Variants in TG observed in about 807,000 individuals in gnomAD.
TG encodes thyroid hormones.
In TG, 270 loss-of-function variants were observed where a neutral mutation model predicts 324.7. That is an observed-to-expected ratio of 0.83 (90% CI 0.75 to 0.92). The LOEUF is 0.92. TG is among the 40% of genes least tolerant of loss of function. TG has a pLI of 0.00. For missense variants in TG, 3,591 were observed against 3,456.4 expected (o/e 1.04, Z -0.98); for synonymous variants, 1,401 against 1,327.0 (o/e 1.06, Z -1.21).
At chr8:132,981,014 T>C (rs947480132) in intron 34 of TG, among the ~76,000 whole-genome samples, 2 of 152,204 alleles carry the variant, frequency 1.3e-5, no homozygotes, top group Non-Finnish European at 2.9e-5. Context: ...GTTCATAGGA[T>C]GTGAATGATG....
intron 20 of TG, among the ~76,000 whole-genome samples, chr8:132,917,690 C>T (rs566850698): frequency 2.0e-5 from 3 of 151,954 alleles, no homozygotes; most frequent in South Asian, 2.1e-4. Flanking sequence ...AGCCACCTTC[C>T]GAAGGGGTGA....
intron 43 of TG, 112 bp from the exon 44 acceptor site, chr8:133,113,310 G>A: frequency 8.1e-7 from 1 of 1,230,310 alleles, no homozygotes; most frequent in Non-Finnish European, 1.2e-6. Flanking sequence ...TGTGTTTAAT[G>A]CCATGCCCCA....
intron 43 of TG, chr8:133,102,652 G>C: frequency 7.8e-7 from 1 of 1,276,304 alleles, no homozygotes. Context: ...ATCAGTCGCT[G>C]TCATGGGGAA....
Position 132,913,027 on chromosome 8 carries a change from C to T in TG, c.4160-20C>T, listed in dbSNP as rs1173793364. 3.1e-6 allele frequency: 5 copies of T among 1,613,204 alleles called. No individual in the cohort carries two copies. The highest frequency in any genetic ancestry group is 3.4e-6 in the Non-Finnish European group (4 of 1,179,408). On this transcript the variant is annotated intron_variant, in intron 19 of 47. Coordinates refer to ENST00000220616, the MANE Select transcript of TG (RefSeq NM_003235.5). ...CAGAGTACAGTGGGGGTGACCTCTA[C>T]CTTATCCTGTGTCTTACAGAGAGAG...
rs376535901 is a variant in TG at position 132,995,234 on chromosome 8, A to G, written c.6262+11822A>G. 4.7e-5 allele frequency: 45 copies of G among 958,248 alleles called. No homozygotes were observed. The African/African-American group carries it at 7.1e-4, about 15-fold the overall frequency. 59.4% of individuals were successfully genotyped at this position (958,248 alleles called of 1,614,324 possible). A position where few individuals can be genotyped will look rare whatever the true frequency, so the allele number is the denominator to read the frequency against. On this transcript the variant is annotated intron_variant, in intron 35 of 47. Coordinates refer to ENST00000220616, the MANE Select transcript of TG (RefSeq NM_003235.5). ...TAAGGTAGAATTCACCATGTTACCT[A>G]TTACCTACAAGTTGAGATTTGGGTA...
chr8:132,922,585 C>T (rs1476288746), intron 21 of TG, among the ~76,000 whole-genome samples: 1 of 152,164 alleles, frequency 6.6e-6, no homozygotes, highest in Non-Finnish European at 1.5e-5. Flanking sequence ...CCAGAGATGT[C>T]TTAGTCCATT....
chr8:132,993,248 A>G (rs1271979171), intron 35 of TG, among the ~76,000 whole-genome samples: 4 of 152,260 alleles, frequency 2.6e-5, no homozygotes, highest in African/African-American at 9.6e-5. Context: ...TGTTGAAGAA[A>G]TGAATGAATA....
intron 40 of TG, among the ~76,000 whole-genome samples, chr8:133,026,343 A>C (rs1236450077): frequency 6.6e-6 from 1 of 152,222 alleles, no homozygotes; most frequent in African/African-American, 2.4e-5. Context: ...CCCACTAGAC[A>C]AACGCATGCT....
At chr8:133,087,186 G>A (rs1479895567) in intron 41 of TG, among the ~76,000 whole-genome samples, 1 of 151,952 alleles carries the variant, frequency 6.6e-6, no homozygotes, top group Non-Finnish European at 1.5e-5. Flanking sequence ...GGAGGATTAT[G>A]TGTAATTTTA....
At chr8:133,126,792 TAA>T (rs544308750) in intron 45 of TG, among the ~76,000 whole-genome samples, 1 of 144,478 alleles carries the variant, frequency 6.9e-6, no homozygotes. Flanking sequence ...CCTCAGCTTC[TAA>T]AAAAAAAAAC....
intron 41 of TG, among the ~76,000 whole-genome samples, chr8:133,074,028 G>C (rs1466273960): frequency 1.3e-5 from 2 of 152,234 alleles, no homozygotes; most frequent in East Asian, 3.9e-4. Context: ...ACATTCTGAG[G>C]CCAAAGCTCA....
intron 41 of TG, among the ~76,000 whole-genome samples, chr8:133,064,756 A>G (rs1255313534): frequency 1.3e-5 from 2 of 152,164 alleles, no homozygotes; most frequent in African/African-American, 4.8e-5. Flanking sequence ...GCTCTGCATT[A>G]TCTCATAAAT....
intron 20 of TG, among the ~76,000 whole-genome samples, chr8:132,914,107 T>C (rs1345834795): frequency 6.6e-6 from 1 of 152,220 alleles, no homozygotes; most frequent in Non-Finnish European, 1.5e-5. Context: ...AGCTGCATGA[T>C]TCAGGATACT....
At chr8:133,034,662 TTCTC>T (rs954152876) in intron 41 of TG, among the ~76,000 whole-genome samples, 1 of 152,002 alleles carries the variant, frequency 6.6e-6, no homozygotes, top group Non-Finnish European at 1.5e-5. Flanking sequence ...TCTTTTTTCT[TTCTC>T]TCTCTCTCTC....
At chr8:132,886,005 C>T (rs2132154366) in intron 8 of TG, among the ~76,000 whole-genome samples, 1 of 152,294 alleles carries the variant, frequency 6.6e-6, no homozygotes, top group African/African-American at 2.4e-5. Context: ...AGAGCCCACC[C>T]TAATCCAGTA....
At position 132,897,795 on chromosome 8, in the gene TG, G is replaced by A. The variant is rs201582196; in HGVS notation, c.3139+9G>A. The A allele has an allele frequency of 4.6e-4, 748 of 1,613,944 alleles. 1 individual carries two copies. The highest frequency in any genetic ancestry group is 5.7e-4 in the Non-Finnish European group (671 of 1,180,028). ...GTGCCACGCTGGGACTGGTAAGGAG[G>A]GATAGGCACCTTCAGGTGGCCAAGT... On this transcript the variant is annotated intron_variant, in intron 12 of 47. Transcript: ENST00000220616.
chr8:133,067,346 C>T (rs2739143), intron 41 of TG, among the ~76,000 whole-genome samples: 58,914 of 151,884 alleles, frequency 0.39, 11,947 homozygotes, highest in Non-Finnish European at 0.46. Flanking sequence ...AGGAGGGCTG[C>T]GGCATACCAG....
intron 34 of TG, among the ~76,000 whole-genome samples, chr8:132,980,814 A>T (rs1011612706): frequency 6.6e-6 from 1 of 152,174 alleles, no homozygotes; most frequent in Non-Finnish European, 1.5e-5. Context: ...TGGTATCAGA[A>T]ATGTTGTGAG....
At chr8:132,979,544 C>T (rs928100855) in intron 34 of TG, among the ~76,000 whole-genome samples, 1 of 152,186 alleles carries the variant, frequency 6.6e-6, no homozygotes, top group Non-Finnish European at 1.5e-5. Flanking sequence ...ATCCTATGAA[C>T]AGCTTCTTAA....
Sources: allele counts gnomAD v4.1 joint callset (sites outside exome capture counted in the v4.1 genomes callset), GRCh38; gene constraint gnomAD v4.1.1; transcripts MANE v1.5; gene names NCBI Gene and HGNC (gene_info 2026-07-23, HGNC 2026-07-21).